SDK1: variants seen among roughly 807,000 people sequenced by gnomAD.
The protein encoded by SDK1 is protein sidekick-1.
SDK1 carries 157 observed loss-of-function variants against 245.5 expected under a neutral mutation model. The ratio of observed to expected loss-of-function variants is 0.64; its 90% CI spans 0.56 to 0.73. The LOEUF (loss-of-function observed/expected upper bound fraction) is 0.73, where lower values mean the gene tolerates loss of function less well. Among genes scored for constraint, SDK1 ranks in the 30% least tolerant of loss-of-function variants. The pLI, the probability that SDK1 is intolerant of heterozygous loss-of-function variation, is 0.00. For missense variants in SDK1, 3,583 were observed against 3,002.3 expected, an observed-to-expected ratio of 1.19 and a Z score of -4.52; for synonymous variants, 1,647 against 1,278.5, an observed-to-expected ratio of 1.29 and a Z score of -6.15.
intron 4 of SDK1, among the ~76,000 whole-genome samples, chr7:3,754,069 G>A (rs1048282711): frequency 2.0e-5 from 3 of 152,192 alleles, no homozygotes; most frequent in Admixed American, 2.0e-4. Flanking sequence ...ATGGAAATTG[G>A]TTGTAAAAGA....
intron 4 of SDK1, among the ~76,000 whole-genome samples, chr7:3,679,132 G>C (rs1253501151): frequency 6.6e-6 from 1 of 152,134 alleles, no homozygotes; most frequent in Non-Finnish European, 1.5e-5. Flanking sequence ...ACTTGCTCTG[G>C]GACAGATGCT....
chr7:3,741,527 C>G (rs1257933569), intron 4 of SDK1, among the ~76,000 whole-genome samples: 2 of 152,296 alleles, frequency 1.3e-5, no homozygotes, highest in African/African-American at 4.8e-5. Context: ...CTGTGTTATT[C>G]TTGAATATTG....
intron 44 of SDK1, among the ~76,000 whole-genome samples, chr7:4,257,042 T>C (rs1349899580): frequency 6.6e-6 from 1 of 152,218 alleles, no homozygotes; most frequent in African/African-American, 2.4e-5. Flanking sequence ...AGAGGGTTTG[T>C]CACGGTTTTA....
chr7:3,971,968 A>G (rs1461668124), intron 12 of SDK1, among the ~76,000 whole-genome samples: 1 of 151,954 alleles, frequency 6.6e-6, no homozygotes, highest in East Asian at 1.9e-4. Flanking sequence ...GGATAGTTTC[A>G]TCGTGAAATG....
intron 5 of SDK1, among the ~76,000 whole-genome samples, chr7:3,864,307 A>G (rs1190139978): frequency 1.3e-5 from 2 of 151,960 alleles, no homozygotes; most frequent in South Asian, 2.1e-4. Flanking sequence ...CTTTGTTTTT[A>G]TAGTCAATCA....
intron 28 of SDK1, among the ~76,000 whole-genome samples, chr7:4,145,070 C>A (rs1177457272): frequency 6.6e-6 from 1 of 152,158 alleles, no homozygotes; most frequent in African/African-American, 2.4e-5. Flanking sequence ...AAGCCCCTCC[C>A]AGCGGAGGAA....
chr7:3,798,469 G>A (rs1221617454), intron 4 of SDK1, among the ~76,000 whole-genome samples: 18 of 151,992 alleles, frequency 1.2e-4, no homozygotes, highest in South Asian at 6.2e-4. Context: ...CACCCACCTT[G>A]GCCTCCCAAA....
At chr7:4,111,553 T>C (rs1783351004) in intron 23 of SDK1, among the ~76,000 whole-genome samples, 1 of 151,746 alleles carries the variant, frequency 6.6e-6, no homozygotes, top group Non-Finnish European at 1.5e-5. Flanking sequence ...TGAGAGATGC[T>C]ATTTAGCTTC....
intron 14 of SDK1, among the ~76,000 whole-genome samples, chr7:4,005,020 G>A (rs998883732): frequency 8.1e-6 from 1 of 124,094 alleles, no homozygotes. Flanking sequence ...TAATTCTGGT[G>A]TTTAATTGGT....
intron 1 of SDK1, among the ~76,000 whole-genome samples, chr7:3,547,311 TGTATTG>T (rs1225317418): frequency 6.6e-6 from 1 of 152,186 alleles, no homozygotes. Flanking sequence ...ATGAACTAAC[TGTATTG>T]GTCAAAGCAA....
At chr7:3,698,330 G>T (rs1010514168) in intron 4 of SDK1, among the ~76,000 whole-genome samples, 1 of 152,140 alleles carries the variant, frequency 6.6e-6, no homozygotes, top group Non-Finnish European at 1.5e-5. Flanking sequence ...GTGTCTCCTC[G>T]GTGTGGTCAC....
intron 14 of SDK1, among the ~76,000 whole-genome samples, chr7:3,996,550 C>T (rs971710325): frequency 2.0e-5 from 3 of 152,128 alleles, no homozygotes; most frequent in Non-Finnish European, 2.9e-5. Context: ...CAAGTTTATA[C>T]CCATAGGCTG....
intron 14 of SDK1, among the ~76,000 whole-genome samples, chr7:4,009,112 G>A (rs1785732514): frequency 6.6e-6 from 1 of 152,206 alleles, no homozygotes; most frequent in Admixed American, 6.5e-5. Flanking sequence ...ACCCTAGTGG[G>A]TATTAGATGC....
intron 4 of SDK1, among the ~76,000 whole-genome samples, chr7:3,648,916 C>A (rs1220015008): frequency 1.3e-5 from 2 of 152,196 alleles, no homozygotes; most frequent in Non-Finnish European, 2.9e-5. Context: ...GTTTTCTAAT[C>A]ACTTCTGCAA....
chr7:3,487,770 A>AAG (rs1246182226), intron 1 of SDK1, among the ~76,000 whole-genome samples: 2 of 151,366 alleles, frequency 1.3e-5, no homozygotes, highest in African/African-American at 4.9e-5. Flanking sequence ...AAAAAAAAAA[A>AAG]AAAAAAGAAA....
chr7:3,374,903 C>T (rs938976595), intron 1 of SDK1, among the ~76,000 whole-genome samples: 1 of 152,036 alleles, frequency 6.6e-6, no homozygotes, highest in African/African-American at 2.4e-5. Flanking sequence ...TATGCAGTTT[C>T]TTTATAGTCT....
chr7:4,022,281 A>C (rs1786954554), intron 17 of SDK1, among the ~76,000 whole-genome samples: 1 of 152,202 alleles, frequency 6.6e-6, no homozygotes, highest in African/African-American at 2.4e-5. Flanking sequence ...CAGCCAGGAG[A>C]AGAAGGAAGC....
chr7:4,078,713 C>T (rs1265084705), intron 21 of SDK1, among the ~76,000 whole-genome samples: 3 of 152,128 alleles, frequency 2.0e-5, no homozygotes, highest in Non-Finnish European at 2.9e-5. Context: ...CATAATGCTA[C>T]AATTCCGGGT....
At chr7:3,335,294 T>C (rs1319188966) in intron 1 of SDK1, among the ~76,000 whole-genome samples, 2 of 152,204 alleles carry the variant, frequency 1.3e-5, no homozygotes, top group African/African-American at 4.8e-5. Context: ...GTTATCTTTC[T>C]TTATTTACCC....
Sources: allele counts gnomAD v4.1 joint callset (sites outside exome capture counted in the v4.1 genomes callset), GRCh38; gene constraint gnomAD v4.1.1; transcripts MANE v1.5; gene names NCBI Gene and HGNC (gene_info 2026-07-23, HGNC 2026-07-21).